Variants in ABCB4 observed in about 807,000 individuals in gnomAD.
ABCB4 encodes ATP binding cassette subfamily B member 4, also known as phosphatidylcholine translocator ABCB4.
A neutral mutation model predicts 145.7 loss-of-function variants in ABCB4; 76 were observed. The observed-to-expected ratio is 0.52, with a 90% CI of 0.43 to 0.63. The LOEUF (loss-of-function observed/expected upper bound fraction) is 0.63. Ranked by LOEUF, ABCB4 falls within the 30% of genes least tolerant of loss-of-function variation. The pLI is 0.00. For missense variants in ABCB4, 1,234 were observed against 1,553.1 expected (o/e 0.79, Z 3.45); for synonymous variants, 517 against 566.8 (o/e 0.91, Z 1.25).
the ABCB4 span, among the ~76,000 whole-genome samples, chr7:87,371,488 C>T: frequency 6.6e-6 from 1 of 152,116 alleles, no homozygotes; most frequent in African/African-American, 2.4e-5. Context: ...AAATAATTAA[C>T]ATTTTCAAAC....
chr7:87,472,939 C>G (rs941253969), intron 2 of ABCB4, among the ~76,000 whole-genome samples: 1 of 152,250 alleles, frequency 6.6e-6, no homozygotes, highest in African/African-American at 2.4e-5. Context: ...AGTATGCTAA[C>G]AGTGTCGCTA....
chr7:87,438,794 G>T (rs1051709675), intron 14 of ABCB4, among the ~76,000 whole-genome samples: 1 of 151,994 alleles, frequency 6.6e-6, no homozygotes, highest in Non-Finnish European at 1.5e-5. Flanking sequence ...TAAACCATGA[G>T]GCATTAATTA....
chr7:87,425,951 T>C (rs140722166), intron 16 of ABCB4, among the ~76,000 whole-genome samples: 1 of 152,232 alleles, frequency 6.6e-6, no homozygotes, highest in East Asian at 1.9e-4. Context: ...AAATCCAACG[T>C]TGCTATTTCT....
At chr7:87,440,866 G>C (rs1486416968) in intron 12 of ABCB4, among the ~76,000 whole-genome samples, 1 of 151,912 alleles carries the variant, frequency 6.6e-6, no homozygotes, top group East Asian at 1.9e-4. Flanking sequence ...TCAGCCTCGA[G>C]AGTAGCTGGG....
chr7:87,417,978 T>C (rs1388593413), intron 20 of ABCB4, among the ~76,000 whole-genome samples: 1 of 152,210 alleles, frequency 6.6e-6, no homozygotes, highest in Non-Finnish European at 1.5e-5. Context: ...GTTGTACCAC[T>C]CAGAAAACAA....
intron 15 of ABCB4, among the ~76,000 whole-genome samples, chr7:87,430,363 T>C (rs1049282171): frequency 6.6e-6 from 1 of 152,216 alleles, no homozygotes; most frequent in Non-Finnish European, 1.5e-5. Context: ...AGCAAATGTA[T>C]ATACTTTCAC....
chr7:87,424,294 C>G (rs1013143105), intron 16 of ABCB4, among the ~76,000 whole-genome samples: 1 of 152,140 alleles, frequency 6.6e-6, no homozygotes, highest in Admixed American at 6.5e-5. Flanking sequence ...ATGCTTAGCC[C>G]GTCCCTATTC....
At chr7:87,459,677 A>G (rs2116873601) in intron 4 of ABCB4, among the ~76,000 whole-genome samples, 1 of 152,112 alleles carries the variant, frequency 6.6e-6, no homozygotes, top group East Asian at 1.9e-4. Flanking sequence ...ACACCCACCC[A>G]TTTTCAAAGC....
At chr7:87,410,274 T>G (rs1447536485) in intron 23 of ABCB4, among the ~76,000 whole-genome samples, 1 of 152,192 alleles carries the variant, frequency 6.6e-6, no homozygotes, top group Non-Finnish European at 1.5e-5. Flanking sequence ...GTGGGAGTTC[T>G]CTACTAATAA....
downstream of ABCB4, among the ~76,000 whole-genome samples, chr7:87,397,092 G>A (rs1244309610): frequency 6.6e-6 from 1 of 151,992 alleles, no homozygotes; most frequent in African/African-American, 2.4e-5. Flanking sequence ...GGTGGCTCAC[G>A]CCTGTAATCC....
chr7:87,464,393 G>C (rs1247531833), intron 3 of ABCB4, among the ~76,000 whole-genome samples: 1 of 152,178 alleles, frequency 6.6e-6, no homozygotes, highest in African/African-American at 2.4e-5. Flanking sequence ...AGAGCCAATG[G>C]AGCTGGGTCC....
intron 9 of ABCB4, 121 bp from the exon 10 acceptor site, chr7:87,445,096 T>C (rs1811255892): frequency 2.7e-6 from 2 of 732,662 alleles, no homozygotes; most frequent in South Asian, 3.4e-5. Context: ...CTTTCCTTTT[T>C]TTTTTGTGGA....
the ABCB4 span, among the ~76,000 whole-genome samples, chr7:87,395,013 T>TTGTTAGTAAGGAAGAGAAGTG: frequency 7.9e-5 from 12 of 151,980 alleles, no homozygotes; most frequent in Admixed American, 3.9e-4. Context: ...CAAAGGACAT[T>TTGTTAGTAAGGAAGAGAAGTG]TGTTAGTAAG....
chr7:87,475,773 T>G (rs1813778818), upstream of ABCB4: 2 of 255,780 alleles, frequency 7.8e-6, no homozygotes, highest in Non-Finnish European at 1.4e-5. Flanking sequence ...ACGCCTACCG[T>G]TGCAGCCAGG....
At chr7:87,391,784 AC>A in the ABCB4 span, 1 of 1,454,758 alleles carries the variant, frequency 6.9e-7, no homozygotes, top group Non-Finnish European at 9.3e-7. Flanking sequence ...TCTTTGAGTA[AC>A]TAACTTCTTT....
intron 3 of ABCB4, among the ~76,000 whole-genome samples, chr7:87,468,885 A>G (rs1038901419): frequency 6.9e-6 from 1 of 145,880 alleles, no homozygotes; most frequent in Non-Finnish European, 1.5e-5. Context: ...GAGCCCAGAT[A>G]GCGCCACTAC....
chr7:87,445,068 A>G lies in ABCB4; in HGVS notation c.1006-93T>C, dbSNP rs1336635542. On this transcript the variant is annotated intron_variant, in intron 9 of 27. Coordinates refer to ENST00000649586, the MANE Select transcript of ABCB4 (RefSeq NM_000443.4). ...GTATATGTAACATAGTACATAAAGGATTAAGTTTAGGTTTATCCTTTCCTT... is the reference window on the plus strand; with the variant it reads ...GTATATGTAACATAGTACATAAAGGGTTAAGTTTAGGTTTATCCTTTCCTT... The G allele has an allele frequency of 4.6e-6, 4 of 862,300 alleles. No individual in the cohort carries two copies. The Admixed American group carries it at 6.3e-5, about 14-fold the overall frequency. The allele number at this position is 862,300 out of a possible 1,614,324, so 53.4% of individuals were successfully genotyped here.
intron 12 of ABCB4, among the ~76,000 whole-genome samples, chr7:87,440,885 C>T (rs1026305741): frequency 6.6e-6 from 1 of 152,050 alleles, no homozygotes; most frequent in Admixed American, 6.6e-5. Flanking sequence ...GGACTACAGG[C>T]ACCCACCACC....
At chr7:87,376,091 C>A in the ABCB4 span, 1 of 703,072 alleles carries the variant, frequency 1.4e-6, no homozygotes, top group East Asian at 2.9e-5. Flanking sequence ...ATACTTGTGC[C>A]AAATTGAAGC....
Sources: allele counts gnomAD v4.1 joint callset (sites outside exome capture counted in the v4.1 genomes callset), GRCh38; gene constraint gnomAD v4.1.1; transcripts MANE v1.5; gene names NCBI Gene and HGNC (gene_info 2026-07-23, HGNC 2026-07-21).